RBM33: variants seen among roughly 807,000 people sequenced by gnomAD.
The protein encoded by RBM33 is RNA-binding protein 33.
In RBM33, 28 loss-of-function variants were observed where a neutral mutation model predicts 132.6. That is an observed-to-expected ratio of 0.21 (90% CI 0.16 to 0.29). The LOEUF is 0.29. RBM33 is among the 10% of genes least tolerant of loss of function. RBM33 has a pLI of 1.00. For synonymous variants in RBM33, 634 were observed against 593.0 expected, an observed-to-expected ratio of 1.07 and a Z score of -1.01; for missense variants, 1,291 against 1,518.5, an observed-to-expected ratio of 0.85 and a Z score of 2.49.
chr7:155,711,086 A>T (rs1800273054), intron 7 of RBM33, 117 bp from the exon 8 acceptor site: 1 of 1,365,232 alleles, frequency 7.3e-7, no homozygotes, highest in East Asian at 3.0e-5. Context: ...AACTTAAAAA[A>T]TGCAATCAGT....
At chr7:155,743,479 A>G (rs1801416217) in intron 13 of RBM33, among the ~76,000 whole-genome samples, 1 of 152,270 alleles carries the variant, frequency 6.6e-6, no homozygotes, top group South Asian at 2.1e-4. Flanking sequence ...AGTTATTTCA[A>G]AAAGATGCCT....
At chr7:155,667,678 T>C (rs1053093979) in intron 2 of RBM33, among the ~76,000 whole-genome samples, 1 of 152,296 alleles carries the variant, frequency 6.6e-6, no homozygotes, top group Admixed American at 6.5e-5. Context: ...ATGTGTGGCC[T>C]CCTGAGTGCC....
chr7:155,756,374 G>A (rs887456157), intron 14 of RBM33, among the ~76,000 whole-genome samples: 2 of 152,176 alleles, frequency 1.3e-5, no homozygotes, highest in African/African-American at 4.8e-5. Context: ...GTATGTGTGA[G>A]TATAGGTATA....
rs552565680 is a variant in RBM33, at chr7:155,761,374, G to A, written c.2980-2438G>A. 3.2e-4 allele frequency among the ~76,000 whole-genome samples: 48 copies of A among 152,336 alleles called. 1 individual carries two copies. Among genetic ancestry groups the A allele is most frequent in the South Asian group, 2.5e-3 (12 of 4,828 alleles). Reference sequence around the variant, plus strand: ...TTTTCTGTTTTCTGAAAGAGATTGCGTAAGCTTGGTAGTCTTTCTTCCTTA... The same window carrying A: ...TTTTCTGTTTTCTGAAAGAGATTGCATAAGCTTGGTAGTCTTTCTTCCTTA... On this transcript the variant is annotated intron_variant, in intron 14 of 17. Transcript: ENST00000401878.
At chr7:155,759,564 C>T (rs954788895) in intron 14 of RBM33, among the ~76,000 whole-genome samples, 3 of 151,882 alleles carry the variant, frequency 2.0e-5, no homozygotes, top group Non-Finnish European at 2.9e-5. Flanking sequence ...ACTACAGGCG[C>T]CCGCCACCGC....
chr7:155,712,224 G>T (rs1302826429), intron 8 of RBM33, among the ~76,000 whole-genome samples: 3 of 152,202 alleles, frequency 2.0e-5, no homozygotes, highest in Non-Finnish European at 4.4e-5. Flanking sequence ...GTGGAGAGGG[G>T]ACACACCATC....
At chr7:155,773,072 A>C (rs1802482948) in intron 16 of RBM33, among the ~76,000 whole-genome samples, 2 of 152,202 alleles carry the variant, frequency 1.3e-5, no homozygotes, top group African/African-American at 4.8e-5. Context: ...CTTTAAAATG[A>C]AATGGCCACA....
rs754992802 is a variant in RBM33 at position 155,740,046 on chromosome 7, T to C, written c.2049+20T>C. The C allele has an allele frequency of 4.0e-6, 6 of 1,503,626 alleles. No individual in the cohort carries two copies. The highest frequency in any genetic ancestry group is 4.5e-6 in the Non-Finnish European group (5 of 1,119,662). The allele number at this position is 1,503,626 out of a possible 1,614,324, so 93.1% of individuals were successfully genotyped here. ...CGGCATGTAAGTGTCAAGGGGTGTC[T>C]TCCCTGTGTCTTCCTGGGAGGCCTT... On this transcript the variant is annotated intron_variant, in intron 12 of 17. Coordinates refer to ENST00000401878, the MANE Select transcript of RBM33 (RefSeq NM_053043.3).
intron 11 of RBM33, 24 bp from the exon 12 acceptor site, chr7:155,739,691 T>A: frequency 6.5e-7 from 1 of 1,528,820 alleles, no homozygotes; most frequent in Non-Finnish European, 8.8e-7. Context: ...TGAACTGTTG[T>A]TTCTCTTTCT....
intron 14 of RBM33, among the ~76,000 whole-genome samples, chr7:155,748,500 A>C (rs144281071): frequency 3.3e-5 from 5 of 152,336 alleles, no homozygotes; most frequent in Admixed American, 6.5e-5. Flanking sequence ...ATGATATACA[A>C]TTTAATTAGG....
intron 7 of RBM33, among the ~76,000 whole-genome samples, chr7:155,710,877 T>G (rs1405179711): frequency 2.0e-5 from 3 of 150,780 alleles, no homozygotes; most frequent in Non-Finnish European, 2.9e-5. Flanking sequence ...AGGGCTTTGC[T>G]CAGTGTGGGC....
Position 155,771,702 on chromosome 7 carries a change from T to G in RBM33, c.3376-2857T>G, listed in dbSNP as rs190754987. Among the ~76,000 whole-genome samples the G allele has an allele frequency of 3.9e-5, 6 of 152,310 alleles. No individual in the cohort carries two copies. The East Asian group carries it at 1.2e-3, about 29-fold the overall frequency. ...TAGAAATGTTATTTCCCAAAAGAACTGCATGATATTTTCTTTTTTCTTATT... is the reference window on the plus strand; with the variant it reads ...TAGAAATGTTATTTCCCAAAAGAACGGCATGATATTTTCTTTTTTCTTATT... On this transcript the variant is annotated intron_variant, in intron 16 of 17. Coordinates refer to ENST00000401878, the MANE Select transcript of RBM33 (RefSeq NM_053043.3).
intron 1 of RBM33, among the ~76,000 whole-genome samples, chr7:155,650,000 C>T (rs2096504208): frequency 6.6e-6 from 1 of 152,142 alleles, no homozygotes; most frequent in Admixed American, 6.5e-5. Context: ...TTCCAGATTT[C>T]CCATTATACA....
At chr7:155,663,425 G>T (rs1798710603) in intron 1 of RBM33, among the ~76,000 whole-genome samples, 1 of 151,976 alleles carries the variant, frequency 6.6e-6, no homozygotes, top group Non-Finnish European at 1.5e-5. Flanking sequence ...AGCAGGAACA[G>T]GCACTTACCT....
At chr7:155,728,220 G>A (rs1208966452) in intron 9 of RBM33, among the ~76,000 whole-genome samples, 1 of 152,140 alleles carries the variant, frequency 6.6e-6, no homozygotes, top group Admixed American at 6.5e-5. Context: ...GCGCCGTCAT[G>A]ACTTCTTCCT....
rs1229934193 is a variant in RBM33 at position 155,778,981 on chromosome 7, C to A, written c.*3940C>A. The stretch of plus-strand genomic sequence containing the variant: ...CGGCTGTTCCCCTCCTCTGCTCTCT[C>A]CCTGGAGAGGACTGCCAGCTCTTAA... On this transcript the variant is annotated 3_prime_UTR_variant, in exon 18 of 18. Transcript: ENST00000401878. This position sits in a 1 kb window ranked among gnomAD's most constrained non-coding sequence, Gnocchi z 4.0. 1 of 152,534 alleles carries A rather than the reference C, an allele frequency of 6.6e-6. No homozygotes were observed. The highest frequency in any genetic ancestry group is 1.5e-5 in the Non-Finnish European group (1 of 68,066). 9.4% of individuals were successfully genotyped at this position (152,534 alleles called of 1,614,324 possible).
chr7:155,718,773 G>A (rs1800539565), intron 9 of RBM33, among the ~76,000 whole-genome samples: 1 of 152,166 alleles, frequency 6.6e-6, no homozygotes, highest in Non-Finnish European at 1.5e-5. Flanking sequence ...GGGTGTATGT[G>A]TGCATGCACG....
At chr7:155,650,025 ACT>A (rs1798313182) in intron 1 of RBM33, among the ~76,000 whole-genome samples, 1 of 151,278 alleles carries the variant, frequency 6.6e-6, no homozygotes, top group African/African-American at 2.4e-5. Flanking sequence ...AGCCCCCAAC[ACT>A]CTCATTCCTT....
At chr7:155,665,050 A>T in intron 1 of RBM33, 125 bp from the exon 2 acceptor site, 1 of 681,932 alleles carries the variant, frequency 1.5e-6, no homozygotes, top group Middle Eastern at 3.6e-4. Context: ...ATAGTTACAT[A>T]TGAAACTTTT....
Sources: allele counts gnomAD v4.1 joint callset (sites outside exome capture counted in the v4.1 genomes callset), GRCh38; gene constraint gnomAD v4.1.1; non-coding constraint Gnocchi (gnomAD v3.1); transcripts MANE v1.5; gene names NCBI Gene and HGNC (gene_info 2026-07-23, HGNC 2026-07-21).